ATG2B: variants seen among roughly 807,000 people sequenced by gnomAD.
The protein encoded by ATG2B is autophagy-related protein 2 homolog B.
A neutral mutation model predicts 241.3 loss-of-function variants in ATG2B; 121 were observed. The observed-to-expected ratio is 0.50, with a 90% CI of 0.43 to 0.58. The LOEUF (loss-of-function observed/expected upper bound fraction) is 0.58, where lower values mean the gene tolerates loss of function less well. Among genes scored for constraint, ATG2B ranks in the 20% least tolerant of loss-of-function variants. The pLI is 0.00. For missense variants in ATG2B, 2,306 were observed against 2,491.6 expected, an observed-to-expected ratio of 0.93 and a Z score of 1.59; for synonymous variants, 858 against 876.6, an observed-to-expected ratio of 0.98 and a Z score of 0.37.
Position 96,333,111 on chromosome 14 carries a change from G to A in ATG2B, c.1208-456C>T, listed in dbSNP as rs527251959. On this transcript the variant is annotated intron_variant, in intron 8 of 41. Coordinates refer to ENST00000359933, the MANE Select transcript of ATG2B (RefSeq NM_018036.7). ...GGAATTGTTTTACTCTCATGCAAAT[G>A]AAGTTTATTATGGCCAAAATTTTTT... Among the ~76,000 whole-genome samples the A allele has an allele frequency of 5.3e-5, 8 of 152,168 alleles. No individual in the cohort carries two copies. The South Asian group carries it at 1.7e-3, about 32-fold the overall frequency.
chr14:96,345,144 T>C (rs1320143539), intron 3 of ATG2B, 89 bp downstream of exon 3: 2 of 937,330 alleles, frequency 2.1e-6, no homozygotes, highest in Middle Eastern at 2.7e-4. Context: ...TCCATTCCAA[T>C]GGATTTGCCT....
At chr14:96,345,121 A>G (rs1888137723) in intron 3 of ATG2B, 112 bp downstream of exon 3, 2 of 764,100 alleles carry the variant, frequency 2.6e-6, no homozygotes, top group African/African-American at 3.6e-5. Flanking sequence ...GGGAACAGTA[A>G]TTCTTTTAAA....
Position 96,306,605 on chromosome 14 carries a change from C to T in ATG2B, c.4506+109G>A, listed in dbSNP as rs72704880. On this transcript the variant is annotated intron_variant, in intron 30 of 41. Coordinates refer to ENST00000359933, the MANE Select transcript of ATG2B (RefSeq NM_018036.7). ...TAGTATATTAAAAAAAAAAAAGTAACTCTGAACTATAAAGAATTTACAAAA... is the reference window on the plus strand; with the variant it reads ...TAGTATATTAAAAAAAAAAAAGTAATTCTGAACTATAAAGAATTTACAAAA... The T allele has an allele frequency of 0.27, 243,672 of 891,712 alleles. 34,868 individuals are homozygous for T. Among genetic ancestry groups the T allele is most frequent in the Middle Eastern group, 0.3 (881 of 2,912 alleles). 55.2% of individuals were successfully genotyped at this position (891,712 alleles called of 1,614,324 possible). A position where few individuals can be genotyped will look rare whatever the true frequency, so the allele number is the denominator to read the frequency against.
intron 38 of ATG2B, 100 bp from the exon 39 acceptor site, chr14:96,291,035 A>G (rs1163972816): frequency 3.0e-6 from 3 of 985,898 alleles, no homozygotes; most frequent in Non-Finnish European, 4.4e-6. Flanking sequence ...TCTACAAATT[A>G]TAAGGGCAAA....
In ATG2B at chr14:96,332,667, T is replaced by C; in HGVS notation, c.1208-12A>G. 1 of 1,537,518 alleles carries C rather than the reference T, an allele frequency of 6.5e-7. No individual in the cohort carries two copies. Among genetic ancestry groups the C allele is most frequent in the Non-Finnish European group, 8.7e-7 (1 of 1,148,910 alleles). The stretch of plus-strand genomic sequence containing the variant: ...GAATACTTCTTCTTCTAGAGAGAAT[T>C]AAACTATGTCACTTGTATTATAATC... On this transcript the variant is annotated splice_polypyrimidine_tract_variant and intron_variant, in intron 8 of 41. Coordinates refer to ENST00000359933, the MANE Select transcript of ATG2B (RefSeq NM_018036.7).
At chr14:96,340,735 A>G (rs1186963480) in intron 6 of ATG2B, among the ~76,000 whole-genome samples, 1 of 152,110 alleles carries the variant, frequency 6.6e-6, no homozygotes, top group Non-Finnish European at 1.5e-5. Flanking sequence ...CAACATAGTG[A>G]GACCCTGTCT....
intron 18 of ATG2B, among the ~76,000 whole-genome samples, chr14:96,319,706 T>C (rs564694371): frequency 1.3e-5 from 2 of 152,296 alleles, no homozygotes; most frequent in East Asian, 3.9e-4. Flanking sequence ...TACCAGTTAA[T>C]GTAGAATGTC....
Position 96,325,751 on chromosome 14 carries a change from T to C in ATG2B, c.2335A>G (p.Ile779Val), listed in dbSNP as rs376377234. The change falls in exon 15 of 42, where the codon ATC becomes GTC. Residue 779 changes from isoleucine to valine, a missense_variant. Around this residue, in one of 2 missense-constraint regions of ATG2B, gnomAD observed 1,927 missense variants for 2,011.2 expected, o/e 0.96. Coordinates refer to ENST00000359933, the MANE Select transcript of ATG2B (RefSeq NM_018036.7). ...AGATCTGTGAAGGCTAAATAAAGGA[T>C]CTCCTTCTGAAGTGACTTCTTAAAC... The part of the protein sequence containing the change: ...PWFKKSLQKE[I>V]LYLAFTDLEF... 6.2e-6 allele frequency: 10 copies of C among 1,613,942 alleles called. No homozygotes were observed. Among genetic ancestry groups the C allele is most frequent in the Non-Finnish European group, 4.2e-6 (5 of 1,179,958 alleles).
intron 1 of ATG2B, among the ~76,000 whole-genome samples, chr14:96,355,054 G>A (rs1032961902): frequency 6.6e-6 from 1 of 152,124 alleles, no homozygotes; most frequent in African/African-American, 2.4e-5. Flanking sequence ...TTGTCAGACG[G>A]ATAGCTTGCA....
At position 96,297,323 on chromosome 14, in the gene ATG2B, A is replaced by G. The variant is rs377231527; in HGVS notation, c.5140-1763T>C. 3.3e-5 allele frequency among the ~76,000 whole-genome samples: 5 copies of G among 152,084 alleles called. No homozygotes were observed. The East Asian group carries it at 7.7e-4, about 23-fold the overall frequency. On this transcript the variant is annotated intron_variant, in intron 34 of 41. Transcript: ENST00000359933. ...AAAAAAAAGGGAGACTAAAGATACA[A>G]TGGTTTCTACTCATTTTTCACCACA...
chr14:96,328,831 C>A, intron 12 of ATG2B, 65 bp from the exon 13 acceptor site: 1 of 1,245,814 alleles, frequency 8.0e-7, no homozygotes, highest in South Asian at 1.4e-5. Flanking sequence ...GGTGCCCATA[C>A]AATAATGAGA....
At position 96,328,357 on chromosome 14, in the gene ATG2B, T is replaced by C. The variant is rs201548798; in HGVS notation, c.2153A>G (p.His718Arg). The change falls in exon 14 of 42, where the codon CAT becomes CGT. Residue 718 changes from histidine (H) to arginine (R), a missense_variant. His to Arg is a conservative substitution (Grantham distance 29). Coordinates refer to ENST00000359933, the MANE Select transcript of ATG2B (RefSeq NM_018036.7). Reference protein sequence around the residue: ...ASHMYTSYNKHISLHKAFTEV... With the variant: ...ASHMYTSYNKRISLHKAFTEV... ...CTTTTGAATACTTACCAGACTAATA[T>C]GTTTATTATATGAAGTATACATGTG... 26 of 1,605,260 alleles carry C rather than the reference T, an allele frequency of 1.6e-5. No homozygotes were observed. Among genetic ancestry groups the C allele is most frequent in the Non-Finnish European group, 2.0e-5 (24 of 1,176,048 alleles).
chr14:96,331,428 A>T lies in ATG2B; in HGVS notation c.1678T>A (p.Phe560Ile). Residue 560 changes from phenylalanine to isoleucine, a missense_variant, in exon 11 of 42, where the codon TTT becomes ATT. This residue lies in a region of ATG2B where 1,927 missense variants were observed against 2,011.2 expected (regional missense o/e 0.96). Coordinates refer to ENST00000359933, the MANE Select transcript of ATG2B (RefSeq NM_018036.7). ...IDPARFSTED[F>I]KSFRAVFAEA... ...GCAAACACTGCTCGGAAAGACTTAA[A>T]ATCTTCTGTTGAAAATCTTGCTGGA... is the stretch of plus-strand genomic sequence containing the variant. 1 of 1,614,100 alleles carries T rather than the reference A, an allele frequency of 6.2e-7. No individual in the cohort carries two copies.
chr14:96,295,288 C>G (rs1886605433), intron 35 of ATG2B, 121 bp from the exon 36 acceptor site: 2 of 1,056,330 alleles, frequency 1.9e-6, no homozygotes, highest in Non-Finnish European at 2.7e-6. Context: ...ATTCTTGTTA[C>G]AGAGAAAATT....
chr14:96,326,070 T>G, intron 14 of ATG2B, 148 bp from the exon 15 acceptor site: 1 of 739,332 alleles, frequency 1.4e-6, no homozygotes, highest in South Asian at 3.3e-5. Flanking sequence ...ACTACCATAT[T>G]AATTTAGTGT....
At chr14:96,291,464 G>C (rs1886481317) in intron 38 of ATG2B, 136 bp downstream of exon 38, 4 of 534,142 alleles carry the variant, frequency 7.5e-6, no homozygotes, top group Non-Finnish European at 1.3e-5. Context: ...TAAATCTTAA[G>C]AGTCCTCTAA....
Position 96,281,049 on chromosome 14 carries a change from C to T in ATG2B, c.*4706G>A, listed in dbSNP as rs1430606823. ...GATAACTAATAGAGGGACTAAAATC[C>T]AAAGCAGGGAGGGAAGAACTGTTAA... is the stretch of plus-strand genomic sequence containing the variant. On this transcript the variant is annotated 3_prime_UTR_variant, in exon 42 of 42. Transcript: ENST00000359933. 1 of 152,062 alleles carries T rather than the reference C, an allele frequency of 6.6e-6. No homozygotes were observed. Among genetic ancestry groups the T allele is most frequent in the African/African-American group, 2.4e-5 (1 of 41,380 alleles). 9.4% of individuals were successfully genotyped at this position (152,062 alleles called of 1,614,324 possible).
At chr14:96,360,764 C>T (rs1202288264) in intron 1 of ATG2B, among the ~76,000 whole-genome samples, 2 of 151,838 alleles carry the variant, frequency 1.3e-5, no homozygotes, top group Admixed American at 1.3e-4. Context: ...TGTGAATCTC[C>T]GAAGGTACCT....
At position 96,317,824 on chromosome 14, in the gene ATG2B, T is replaced by C. The variant is rs1463425535; in HGVS notation, c.2911A>G (p.Thr971Ala). 2.5e-6 allele frequency: 4 copies of C among 1,611,892 alleles called. No individual in the cohort carries two copies. Among genetic ancestry groups the C allele is most frequent in the Admixed American group, 3.3e-5 (2 of 59,900 alleles). ...IFNDLLLWEP[T>A]APSPVETFEN... ...AATGTCTCCACTGGTGAAGGAGCTGTTGGTTCCCACAGTAGCAAGTCATTA... is the reference window on the plus strand; with the variant it reads ...AATGTCTCCACTGGTGAAGGAGCTGCTGGTTCCCACAGTAGCAAGTCATTA... Residue 971 changes from threonine (T) to alanine (A), a missense_variant, in exon 19 of 42, where the codon ACA (threonine) becomes GCA (alanine). This residue lies in a region of ATG2B where 1,927 missense variants were observed against 2,011.2 expected (regional missense o/e 0.96). Transcript: ENST00000359933.
Sources: allele counts gnomAD v4.1 joint callset (sites outside exome capture counted in the v4.1 genomes callset), GRCh38; gene constraint gnomAD v4.1.1; regional missense constraint gnomAD v4.1.1; transcripts MANE v1.5; gene names NCBI Gene and HGNC (gene_info 2026-07-23, HGNC 2026-07-21).